Variants in NEDD4 observed in about 807,000 individuals in gnomAD.
The protein encoded by NEDD4 is NEDD4 E3 ubiquitin protein ligase, also known as E3 ubiquitin-protein ligase NEDD4.
NEDD4 carries 99 observed loss-of-function variants against 144.9 expected under a neutral mutation model. The observed-to-expected ratio is 0.68, with a 90% CI of 0.58 to 0.81. The LOEUF (loss-of-function observed/expected upper bound fraction) is 0.81. Ranked by LOEUF, NEDD4 falls within the 30% of genes least tolerant of loss-of-function variation. The pLI is 0.00. For missense variants in NEDD4, 985 were observed against 1,065.9 expected, an observed-to-expected ratio of 0.92 and a Z score of 1.06; for synonymous variants, 318 against 350.6, an observed-to-expected ratio of 0.91 and a Z score of 1.04.
intron 11 of NEDD4, among the ~76,000 whole-genome samples, chr15:55,857,515 G>T (rs1030278327): frequency 6.6e-6 from 1 of 152,020 alleles, no homozygotes; most frequent in South Asian, 2.1e-4. Flanking sequence ...TAGAGACGGG[G>T]TTTCGCCATG....
intron 1 of NEDD4, among the ~76,000 whole-genome samples, chr15:55,973,095 A>C (rs577921243): frequency 6.8e-6 from 1 of 147,980 alleles, no homozygotes; most frequent in Non-Finnish European, 1.5e-5. Context: ...AAAACCAACA[A>C]AGAAATGTTG....
chr15:55,843,250 A>C (rs1164934183), intron 18 of NEDD4, among the ~76,000 whole-genome samples: 1 of 152,196 alleles, frequency 6.6e-6, no homozygotes, highest in Non-Finnish European at 1.5e-5. Flanking sequence ...AAAACGGACT[A>C]AAACAGCCAG....
chr15:55,888,222 A>G lies in NEDD4; in HGVS notation c.292-14214T>C, dbSNP rs1190070215. ...CCTTGTTTGTAGATGATATGATCTT[A>G]TATTTGAAAAAACCTAAAGACTGCA... is the stretch of plus-strand genomic sequence containing the variant. On this transcript the variant is annotated intron_variant, in intron 5 of 28. Coordinates refer to ENST00000435532, the MANE Select transcript of NEDD4 (RefSeq NM_006154.4). 3.9e-5 allele frequency among the ~76,000 whole-genome samples: 6 copies of G among 152,292 alleles called. 1 individual carries two copies. In the East Asian group the frequency reaches 1.2e-3, roughly 29 times the overall value.
At chr15:55,924,606 A>T in intron 5 of NEDD4, 40 bp downstream of exon 5, 1 of 1,550,470 alleles carries the variant, frequency 6.4e-7, no homozygotes, top group Non-Finnish European at 8.8e-7. Flanking sequence ...ACTGAAATGT[A>T]CCCTTACTTC....
At chr15:55,866,962 C>A (rs2034606998) in intron 8 of NEDD4, among the ~76,000 whole-genome samples, 1 of 152,108 alleles carries the variant, frequency 6.6e-6, no homozygotes, top group African/African-American at 2.4e-5. Context: ...TGTAATTGCT[C>A]ACAATTTAAT....
intron 27 of NEDD4, among the ~76,000 whole-genome samples, chr15:55,831,942 T>C (rs1323173315): frequency 6.6e-6 from 1 of 152,150 alleles, no homozygotes; most frequent in Non-Finnish European, 1.5e-5. Flanking sequence ...ATAAACAGAA[T>C]ATGAATCAAT....
At chr15:55,847,076 T>A (rs747677757) in intron 17 of NEDD4, 42 bp from the exon 18 acceptor site, 1 of 1,342,108 alleles carries the variant, frequency 7.5e-7, no homozygotes, top group Non-Finnish European at 1.0e-6. Flanking sequence ...GTTTAGGTTG[T>A]TTTTATTCTG....
intron 5 of NEDD4, among the ~76,000 whole-genome samples, chr15:55,897,557 C>G (rs1484517135): frequency 6.6e-6 from 1 of 152,192 alleles, no homozygotes; most frequent in East Asian, 1.9e-4. Flanking sequence ...GTATGTTCAA[C>G]TTGGAGCAAT....
At chr15:55,873,343 A>G (rs191933810) in intron 6 of NEDD4, among the ~76,000 whole-genome samples, 1 of 152,290 alleles carries the variant, frequency 6.6e-6, no homozygotes, top group Non-Finnish European at 1.5e-5. Context: ...AGTCTACTTT[A>G]AACTTTCATT....
chr15:55,965,561 C>T (rs2037498022), intron 2 of NEDD4, among the ~76,000 whole-genome samples: 1 of 152,168 alleles, frequency 6.6e-6, no homozygotes, highest in Non-Finnish European at 1.5e-5. Flanking sequence ...AGAATCCTTA[C>T]CACTGCCATG....
At chr15:55,909,381 G>A (rs767530398) in intron 5 of NEDD4, among the ~76,000 whole-genome samples, 5 of 152,122 alleles carry the variant, frequency 3.3e-5, no homozygotes, top group Non-Finnish European at 5.9e-5. Flanking sequence ...ATTGAACTGG[G>A]ACAGATCTGC....
chr15:55,963,551 C>T (rs376116558), intron 2 of NEDD4, among the ~76,000 whole-genome samples: 1 of 152,026 alleles, frequency 6.6e-6, no homozygotes, highest in African/African-American at 2.4e-5. Context: ...TAACTTATAC[C>T]TGCTCCATCC....
At chr15:55,969,985 T>G (rs72734373) in intron 1 of NEDD4, among the ~76,000 whole-genome samples, 47,342 of 151,778 alleles carry the variant, frequency 0.31, 7,499 homozygotes, top group South Asian at 0.38. Flanking sequence ...TGGCCTTAGC[T>G]CCGAGAGGGC....
intron 4 of NEDD4, among the ~76,000 whole-genome samples, chr15:55,935,791 G>A (rs2036877371): frequency 6.9e-6 from 1 of 145,958 alleles, no homozygotes; most frequent in South Asian, 2.2e-4. Context: ...AGGTTGCAGT[G>A]AGTTGAGATC....
rs140800682 is a variant in NEDD4 at position 55,834,113 on chromosome 15, C to T, written c.2355G>A (p.Val785=). 3,445 of 1,613,596 alleles carry T rather than the reference C, an allele frequency of 2.1e-3. 44 individuals are homozygous for T. The highest frequency in any genetic ancestry group is 0.016 in the South Asian group (1,491 of 91,062). ...LLMCGLGDVD[V]NDWREHTKYK... ...ACTTTGTATGTTCCCTCCAGTCATTCACATCAACATCTCCCAGTCCACACA... is the reference window on the plus strand; with the variant it reads ...ACTTTGTATGTTCCCTCCAGTCATTTACATCAACATCTCCCAGTCCACACA... The change falls in exon 26 of 29, where the codon GTG becomes GTA. Residue 785 remains valine (V), a synonymous_variant. Transcript: ENST00000435532.
intron 28 of NEDD4, 90 bp downstream of exon 28, chr15:55,830,424 A>C: frequency 8.7e-7 from 1 of 1,146,684 alleles, no homozygotes; most frequent in Middle Eastern, 2.0e-4. Flanking sequence ...CCGACATAAC[A>C]CAGAGGAGAC....
At chr15:55,940,405 C>A (rs944386970) in intron 4 of NEDD4, among the ~76,000 whole-genome samples, 3 of 151,916 alleles carry the variant, frequency 2.0e-5, no homozygotes, top group Non-Finnish European at 4.4e-5. Flanking sequence ...GAACTATACC[C>A]CCAATAAATC....
At chr15:55,935,113 C>T (rs147840893) in intron 4 of NEDD4, among the ~76,000 whole-genome samples, 64 of 152,100 alleles carry the variant, frequency 4.2e-4, no homozygotes, top group African/African-American at 1.3e-3. Flanking sequence ...GGTGATCCAC[C>T]CTCCTCGGCC....
intron 12 of NEDD4, 121 bp downstream of exon 12, chr15:55,856,009 GC>G: frequency 1.3e-6 from 1 of 751,402 alleles, no homozygotes. Flanking sequence ...ACCACCTGGA[GC>G]CTACATTCTG....
Sources: gnomAD v4.1 joint callset for allele counts (sites outside exome capture counted in the v4.1 genomes callset) on GRCh38, gnomAD v4.1.1 for gene constraint, MANE v1.5 for transcripts, NCBI Gene and HGNC (gene_info 2026-07-23, HGNC 2026-07-21) for gene names.